The following USP31 variants were observed in gnomAD, a reference collection of about 807,000 sequenced individuals.
USP31 encodes the protein ubiquitin carboxyl-terminal hydrolase 31.
USP31 carries 44 observed loss-of-function variants against 119.4 expected under a neutral mutation model. The observed-to-expected ratio is 0.37, with a 90% CI of 0.29 to 0.47. The LOEUF (loss-of-function observed/expected upper bound fraction) is 0.47. USP31 is among the 20% of genes least tolerant of loss of function. The pLI, the probability that USP31 is intolerant of heterozygous loss-of-function variation, is 0.99. For synonymous variants in USP31, 749 were observed against 705.6 expected, an observed-to-expected ratio of 1.06 and a Z score of -0.97; for missense variants, 1,643 against 1,730.2, an observed-to-expected ratio of 0.95 and a Z score of 0.89.
chr16:23,123,226 T>C (rs1902732408), intron 1 of USP31, among the ~76,000 whole-genome samples: 1 of 152,178 alleles, frequency 6.6e-6, no homozygotes, highest in Admixed American at 6.5e-5. Context: ...TCTGTATGTA[T>C]GGCATACTTC....
At position 23,148,730 on chromosome 16, in the gene USP31, G is replaced by A; in HGVS notation, c.541C>T (p.Gln181Ter). ...DPEQPAGRGA[Q>*]GQGEVTEQLA... ...TGCTCAGTGACCTCGCCCTGGCCCT[G>A]CGCGCCGCGGCCCGCAGGCTGCTCC... is the stretch of plus-strand genomic sequence containing the variant. Residue 181 changes from glutamine to a stop codon, truncating the protein, a stop_gained, in exon 1 of 16, where the codon CAG (glutamine) becomes TAG (stop). Coordinates refer to ENST00000219689, the MANE Select transcript of USP31 (RefSeq NM_020718.4). LOFTEE classifies it high-confidence loss of function. 6.7e-7 allele frequency: 1 copy of A among 1,483,494 alleles called. No individual in the cohort carries two copies. The highest frequency in any genetic ancestry group is 2.9e-5 in the East Asian group (1 of 34,626). The allele number at this position is 1,483,494 out of a possible 1,614,324, so 91.9% of individuals were successfully genotyped here.
intron 1 of USP31, among the ~76,000 whole-genome samples, chr16:23,143,203 G>A (rs1348038585): frequency 6.6e-6 from 1 of 152,188 alleles, no homozygotes; most frequent in African/African-American, 2.4e-5. Flanking sequence ...AATCTGGAAG[G>A]AGTCCCCACA....
intron 6 of USP31, among the ~76,000 whole-genome samples, chr16:23,099,277 G>T (rs921833402): frequency 6.6e-6 from 1 of 152,056 alleles, no homozygotes; most frequent in African/African-American, 2.4e-5. Context: ...AGATACCATC[G>T]CACACCAATT....
chr16:23,071,654 C>T (rs995692911), intron 15 of USP31, among the ~76,000 whole-genome samples: 1 of 152,026 alleles, frequency 6.6e-6, no homozygotes, highest in Non-Finnish European at 1.5e-5. Flanking sequence ...GGCCTCCATG[C>T]CAAGCCTGGA....
At position 23,148,669 on chromosome 16, in the gene USP31, T is replaced by C. The variant is rs1903605705; in HGVS notation, c.602A>G (p.Glu201Gly). The C allele has an allele frequency of 2.7e-6, 4 of 1,496,882 alleles. No individual in the cohort carries two copies. The highest frequency in any genetic ancestry group is 3.5e-6 in the Non-Finnish European group (4 of 1,127,040). 92.7% of individuals were successfully genotyped at this position (1,496,882 alleles called of 1,614,324 possible). A position where few individuals can be genotyped will look rare whatever the true frequency, so the allele number is the denominator to read the frequency against. ...AHLVRALWTL[E>G]YTPQHSRDFK... ...GTCGCGGCTGTGCTGCGGGGTGTAC[T>C]CCAGGGTCCAGAGGGCCCGCACCAG... The change falls in exon 1 of 16, where the codon GAG becomes GGG. Residue 201 changes from glutamate to glycine, a missense_variant. Transcript: ENST00000219689.
intron 1 of USP31, chr16:23,115,819 AT>A: frequency 1.0e-6 from 1 of 975,046 alleles, no homozygotes; most frequent in Non-Finnish European, 1.2e-6. Flanking sequence ...GAATGTTTTT[AT>A]TTTTTTCCCT....
chr16:23,123,170 CT>C (rs947323394), intron 1 of USP31, among the ~76,000 whole-genome samples: 1 of 152,100 alleles, frequency 6.6e-6, no homozygotes, highest in Non-Finnish European at 1.5e-5. Flanking sequence ...CAAATTATCA[CT>C]TTAGGATAAT....
chr16:23,063,865 T>C lies in USP31; in HGVS notation c.*4181A>G, dbSNP rs1316911836. On this transcript the variant is annotated 3_prime_UTR_variant, in exon 16 of 16. Transcript: ENST00000219689. The stretch of plus-strand genomic sequence containing the variant: ...TTTTACTTGGGGAAAAAAATGGTCA[T>C]GCTCAAAATGCATCTGCAAAATACT... 6.6e-6 allele frequency: 1 copy of C among 152,160 alleles called. No homozygotes were observed. Among genetic ancestry groups the C allele is most frequent in the Non-Finnish European group, 1.5e-5 (1 of 68,026 alleles). The allele number at this position is 152,160 out of a possible 1,614,324, so 9.4% of individuals were successfully genotyped here.
chr16:23,138,112 C>T (rs1903247961), intron 1 of USP31, among the ~76,000 whole-genome samples: 1 of 152,126 alleles, frequency 6.6e-6, no homozygotes, highest in African/African-American at 2.4e-5. Context: ...TCTGCCCCTG[C>T]AAATGTGTAA....
intron 12 of USP31, among the ~76,000 whole-genome samples, chr16:23,081,770 C>T (rs1900838728): frequency 6.6e-6 from 1 of 152,342 alleles, no homozygotes; most frequent in South Asian, 2.1e-4. Context: ...TGGCCTGCTC[C>T]CAGCCTCTCG....
chr16:23,148,939 G>GGCGGCGGCGGGCACGGCGGCGGCGTGGGC lies in USP31; in HGVS notation c.303_331dup (p.Pro111ArgfsTer39), dbSNP rs1903621299. On this transcript the variant is annotated frameshift_variant, in exon 1 of 16. Coordinates refer to ENST00000219689, the MANE Select transcript of USP31 (RefSeq NM_020718.4). LOFTEE classifies it high-confidence loss of function. Reference sequence around the variant, plus strand: ...GCAAGCGGGCGGCGCGGGAGAGGCGGGCGGCGGCGGGCACGGCGGCGGCGT... The same window carrying GGCGGCGGCGGGCACGGCGGCGGCGTGGGC: ...GCAAGCGGGCGGCGCGGGAGAGGCGGGCGGCGGCGGGCACGGCGGCGGCGTGGGCGCGGCGGCGGGCACGGCGGCGGCGT... The GGCGGCGGCGGGCACGGCGGCGGCGTGGGC allele has an allele frequency of 1.8e-6, 2 of 1,121,946 alleles. No individual in the cohort carries two copies. Among genetic ancestry groups the GGCGGCGGCGGGCACGGCGGCGGCGTGGGC allele is most frequent in the Admixed American group, 5.1e-5 (1 of 19,528 alleles). 69.5% of individuals were successfully genotyped at this position (1,121,946 alleles called of 1,614,324 possible).
chr16:23,069,056 T>C lies in USP31; in HGVS notation c.3049A>G (p.Lys1017Glu). 6.2e-7 allele frequency: 1 copy of C among 1,612,848 alleles called. No individual in the cohort carries two copies. Among genetic ancestry groups the C allele is most frequent in the Non-Finnish European group, 8.5e-7 (1 of 1,180,012 alleles). ...CTCTTAGTTGTGCTCTCTGGTTTCTTTGCGAGTGAGCCTGGGTGGCTGGGG... is the reference window on the plus strand; with the variant it reads ...CTCTTAGTTGTGCTCTCTGGTTTCTCTGCGAGTGAGCCTGGGTGGCTGGGG... The part of the protein sequence containing the change: ...KAPSHPGSLA[K>E]KPESTTKRSP... The change falls in exon 16 of 16, where the codon AAG (lysine) becomes GAG (glutamate). Residue 1017 changes from lysine to glutamate, a missense_variant. Lys to Glu is a moderately conservative substitution (Grantham distance 56). Around this residue, in one of 5 missense-constraint regions of USP31, gnomAD observed 699 missense variants for 650.9 expected, o/e 1.07. Coordinates refer to ENST00000219689, the MANE Select transcript of USP31 (RefSeq NM_020718.4).
At position 23,080,160 on chromosome 16, in the gene USP31, C is replaced by G; in HGVS notation, c.1962G>C (p.Arg654Ser). 6.5e-7 allele frequency: 1 copy of G among 1,547,910 alleles called. No homozygotes were observed. Among genetic ancestry groups the G allele is most frequent in the Non-Finnish European group, 8.7e-7 (1 of 1,151,244 alleles). ...TGACCATGTTCTGAAGTTTCATGCG[C>G]CTGTCTCCTTCCTGTTGCAAGAAGA... is the stretch of plus-strand genomic sequence containing the variant. ...HLKRFRQEGD[R>S]RMKLQNMVKF... The change falls in exon 13 of 16, where the codon AGG (arginine) becomes AGC (serine). Residue 654 changes from arginine to serine, a missense_variant. Arg to Ser is a moderately radical substitution (Grantham distance 110, BLOSUM62 -1). Coordinates refer to ENST00000219689, the MANE Select transcript of USP31 (RefSeq NM_020718.4).
At chr16:23,141,875 T>A (rs1354328972) in intron 1 of USP31, among the ~76,000 whole-genome samples, 1 of 152,234 alleles carries the variant, frequency 6.6e-6, no homozygotes, top group Non-Finnish European at 1.5e-5. Context: ...AATTTGTAGA[T>A]GCTTAATTGC....
chr16:23,081,701 C>A (rs1900835301), intron 12 of USP31, among the ~76,000 whole-genome samples: 1 of 152,240 alleles, frequency 6.6e-6, no homozygotes, highest in African/African-American at 2.4e-5. Flanking sequence ...CAACCAGCAT[C>A]CACCCACGTC....
chr16:23,142,659 A>G (rs720787), intron 1 of USP31, among the ~76,000 whole-genome samples: 41,437 of 152,086 alleles, frequency 0.27, 6,084 homozygotes, highest in Admixed American at 0.34. Flanking sequence ...AAAGGCTAGG[A>G]ACTACTCACA....
chr16:23,081,695 CAG>C (rs1900834593), intron 12 of USP31, among the ~76,000 whole-genome samples: 1 of 152,224 alleles, frequency 6.6e-6, no homozygotes, highest in Admixed American at 6.5e-5. Context: ...CTTGGACAAC[CAG>C]CATCCACCCA....
chr16:23,124,394 G>A (rs867616782), intron 1 of USP31, among the ~76,000 whole-genome samples: 9 of 152,156 alleles, frequency 5.9e-5, no homozygotes, highest in African/African-American at 1.4e-4. Flanking sequence ...AGTCACTTAC[G>A]TAAAAGACTC....
At chr16:23,096,279 CA>C (rs1171642289) in intron 6 of USP31, among the ~76,000 whole-genome samples, 2 of 152,166 alleles carry the variant, frequency 1.3e-5, no homozygotes, top group Admixed American at 1.3e-4. Flanking sequence ...GGATCAAATT[CA>C]ATAAGAAGAG....
Sources: allele counts gnomAD v4.1 joint callset (sites outside exome capture counted in the v4.1 genomes callset), GRCh38; gene constraint gnomAD v4.1.1; regional missense constraint gnomAD v4.1.1; transcripts MANE v1.5; gene names NCBI Gene and HGNC (gene_info 2026-07-23, HGNC 2026-07-21).